The following NLN variants were observed in gnomAD, a reference collection of about 807,000 sequenced individuals.
The protein encoded by NLN is neurolysin, mitochondrial.
Under a neutral mutation model 79.9 loss-of-function variants are expected in NLN, and 64 were observed. The ratio of observed to expected loss-of-function variants is 0.80; its 90% CI spans 0.65 to 0.99. NLN has a LOEUF of 0.99. Among genes scored for constraint, NLN ranks in the 50% least tolerant of loss-of-function variants. The pLI, the probability that NLN is intolerant of heterozygous loss-of-function variation, is 0.00. For missense variants in NLN, 835 were observed against 858.7 expected, an observed-to-expected ratio of 0.97 and a Z score of 0.34; for synonymous variants, 267 against 296.6, an observed-to-expected ratio of 0.90 and a Z score of 1.02.
rs1017486597 is a variant in NLN at position 65,828,776 on chromosome 5, G to A, written c.*5861G>A. On this transcript the variant is annotated 3_prime_UTR_variant, in exon 13 of 13. Transcript: ENST00000380985. ...AGGGCTTCTCCAGCTTTTAAGATGC[G>A]ATAATGATAAGATGATCATCGGGAA... The A allele has an allele frequency of 6.6e-6, 1 of 152,160 alleles. No homozygotes were observed. Among genetic ancestry groups the A allele is most frequent in the Non-Finnish European group, 1.5e-5 (1 of 68,038 alleles). The allele number at this position is 152,160 out of a possible 1,614,324, so 9.4% of individuals were successfully genotyped here. A position where few individuals can be genotyped will look rare whatever the true frequency, so the allele number is the denominator to read the frequency against.
At position 65,758,750 on chromosome 5, in the gene NLN, T is replaced by C; in HGVS notation, c.225T>C (p.Val75=). 2 of 1,613,812 alleles carry C rather than the reference T, an allele frequency of 1.2e-6. No homozygotes were observed. The highest frequency in any genetic ancestry group is 8.5e-7 in the Non-Finnish European group (1 of 1,179,776). Residue 75 remains valine, a synonymous_variant, in exon 2 of 13, where the codon GTT becomes GTC. Transcript: ENST00000380985. ...AGACCAAACAGGTGTACGATGCTGTTGGAATGCTCGGTATTGAGGAAGTAA... is the reference window on the plus strand; with the variant it reads ...AGACCAAACAGGTGTACGATGCTGTCGGAATGCTCGGTATTGAGGAAGTAA... ...IVQTKQVYDA[V]GMLGIEEVTY... is the part of the protein sequence containing the mutation.
intron 3 of NLN, among the ~76,000 whole-genome samples, 170 bp downstream of exon 3, chr5:65,763,278 G>A (rs1287399025): frequency 6.6e-6 from 1 of 152,184 alleles, no homozygotes; most frequent in Non-Finnish European, 1.5e-5. Flanking sequence ...TATCGTTGAG[G>A]TTATGTTGAG....
At chr5:65,731,215 TGA>T (rs1170938127) in intron 1 of NLN, among the ~76,000 whole-genome samples, 5 of 152,326 alleles carry the variant, frequency 3.3e-5, no homozygotes, top group Admixed American at 3.3e-4. Context: ...CAGGGTTCCA[TGA>T]GAGAGTGGAA....
In NLN at chr5:65,810,104, G is replaced by T; in HGVS notation, c.1782G>T (p.Leu594=). The T allele has an allele frequency of 6.2e-7, 1 of 1,613,912 alleles. No homozygotes were observed. Among genetic ancestry groups the T allele is most frequent in the Non-Finnish European group, 8.5e-7 (1 of 1,179,790 alleles). ...AGTCTCTTCATACCAACACATCGCT[G>T]GATGCTGCAAGTGAATATGCCAAAT... ...VDQSLHTNTS[L]DAASEYAKYC... is the part of the protein sequence containing the mutation. Residue 594 remains leucine (L), a synonymous_variant, in exon 11 of 13, where the codon CTG becomes CTT. Coordinates refer to ENST00000380985, the MANE Select transcript of NLN (RefSeq NM_020726.5).
chr5:65,793,934 A>G (rs934711633), intron 9 of NLN, among the ~76,000 whole-genome samples: 2 of 152,210 alleles, frequency 1.3e-5, no homozygotes, highest in Non-Finnish European at 2.9e-5. Flanking sequence ...ACCACAGTTT[A>G]TTTGGATTTT....
chr5:65,798,676 T>C (rs1760219025), intron 9 of NLN, among the ~76,000 whole-genome samples: 1 of 152,208 alleles, frequency 6.6e-6, no homozygotes. Context: ...CTTCTTTTTG[T>C]TATTTTATTT....
chr5:65,805,223 T>C (rs1029308776), intron 9 of NLN, among the ~76,000 whole-genome samples: 6 of 152,176 alleles, frequency 3.9e-5, no homozygotes, highest in African/African-American at 1.4e-4. Context: ...TGAAATTAGA[T>C]TAGTCAATAA....
chr5:65,737,424 T>C (rs1758751595), intron 1 of NLN, among the ~76,000 whole-genome samples: 3 of 152,162 alleles, frequency 2.0e-5, no homozygotes, highest in Admixed American at 2.0e-4. Flanking sequence ...ATTAATAATG[T>C]TTTTCTTCAC....
In NLN at chr5:65,828,366, A is replaced by G. The variant is rs1261996419; in HGVS notation, c.*5451A>G. On this transcript the variant is annotated 3_prime_UTR_variant, in exon 13 of 13. Coordinates refer to ENST00000380985, the MANE Select transcript of NLN (RefSeq NM_020726.5). ...ATCACATTTTAAGCAGACTTTGGCCAAGTAGTACAGTGTTTGCAGGAGCAG... is the reference window on the plus strand; with the variant it reads ...ATCACATTTTAAGCAGACTTTGGCCGAGTAGTACAGTGTTTGCAGGAGCAG... The G allele has an allele frequency of 1.3e-5, 2 of 152,254 alleles. No homozygotes were observed. Among genetic ancestry groups the G allele is most frequent in the African/African-American group, 4.8e-5 (2 of 41,468 alleles). The allele number at this position is 152,254 out of a possible 1,614,324, so 9.4% of individuals were successfully genotyped here. A position where few individuals can be genotyped will look rare whatever the true frequency, so the allele number is the denominator to read the frequency against.
At chr5:65,792,331 G>T in intron 8 of NLN, 123 bp from the exon 9 acceptor site, 1 of 634,106 alleles carries the variant, frequency 1.6e-6, no homozygotes. Flanking sequence ...TTTCTAAAAG[G>T]TAAATTAATG....
Position 65,822,782 on chromosome 5 carries a change from T to A in NLN, c.1982T>A (p.Val661Asp), listed in dbSNP as rs774868393. Residue 661 changes from valine (V) to aspartate (D), a missense_variant and splice_region_variant, in exon 13 of 13, where the codon GTT becomes GAT. Transcript: ENST00000380985. ...AGGTATGATGTTTTATTTTATTAGG[T>A]TGGAATGAAATACAGAAACCTAATC... Reference protein sequence around the residue: ...FKKEGIMNPEVGMKYRNLILK... With the variant: ...FKKEGIMNPEDGMKYRNLILK... 1 of 1,609,346 alleles carries A rather than the reference T, an allele frequency of 6.2e-7. No homozygotes were observed. The highest frequency in any genetic ancestry group is 1.1e-5 in the South Asian group (1 of 90,988).
intron 8 of NLN, among the ~76,000 whole-genome samples, chr5:65,789,033 T>C (rs1207576403): frequency 6.6e-6 from 1 of 152,020 alleles, no homozygotes; most frequent in Non-Finnish European, 1.5e-5. Context: ...CTAGCTGTGC[T>C]GAAGCAGGAG....
intron 4 of NLN, among the ~76,000 whole-genome samples, chr5:65,778,663 C>T (rs961851954): frequency 3.3e-5 from 5 of 152,124 alleles, no homozygotes; most frequent in South Asian, 2.1e-4. Context: ...GTCGAGGGGT[C>T]GGTGAGCTGC....
At chr5:65,725,323 T>A (rs760735678) in intron 1 of NLN, among the ~76,000 whole-genome samples, 2 of 152,226 alleles carry the variant, frequency 1.3e-5, no homozygotes, top group Non-Finnish European at 2.9e-5. Context: ...CATCAAAGTT[T>A]GACAAATCGT....
At chr5:65,738,922 ATG>A (rs1200935753) in intron 1 of NLN, among the ~76,000 whole-genome samples, 1,488 of 123,674 alleles carry the variant, frequency 0.012, 24 homozygotes, top group African/African-American at 0.019. Context: ...TATGATATAT[ATG>A]TGTGTATATA....
Position 65,825,449 on chromosome 5 carries a change from T to G in NLN, c.*2534T>G, listed in dbSNP as rs1469138786. Reference sequence around the variant, plus strand: ...GTTGTGAAGGATAAAATCTTCAACATCTTATGCAAATGGATAGTAGGCATG... The same window carrying G: ...GTTGTGAAGGATAAAATCTTCAACAGCTTATGCAAATGGATAGTAGGCATG... On this transcript the variant is annotated 3_prime_UTR_variant, in exon 13 of 13. Transcript: ENST00000380985. The G allele has an allele frequency of 6.6e-6, 1 of 152,150 alleles. No homozygotes were observed. The highest frequency in any genetic ancestry group is 1.5e-5 in the Non-Finnish European group (1 of 68,018). The allele number at this position is 152,150 out of a possible 1,614,324, so 9.4% of individuals were successfully genotyped here.
chr5:65,768,951 G>T (rs1229721105), intron 3 of NLN, among the ~76,000 whole-genome samples: 1 of 152,240 alleles, frequency 6.6e-6, no homozygotes, highest in Non-Finnish European at 1.5e-5. Context: ...ACTTGAAAGG[G>T]CACAGTTCAG....
chr5:65,722,245 C>A lies in NLN; in HGVS notation c.-129C>A. ...GCTGCCGCACGTGGGAGGGCGCTGG[C>A]CAGGCAGCCACTGTGGCCTCTGCGG... On this transcript the variant is annotated 5_prime_UTR_variant, in exon 1 of 13. Transcript: ENST00000380985. 1.8e-6 allele frequency: 1 copy of A among 557,906 alleles called. No homozygotes were observed. The highest frequency in any genetic ancestry group is 2.9e-6 in the Non-Finnish European group (1 of 348,280). The allele number at this position is 557,906 out of a possible 1,614,324, so 34.6% of individuals were successfully genotyped here. A position where few individuals can be genotyped will look rare whatever the true frequency, so the allele number is the denominator to read the frequency against.
At chr5:65,729,023 T>G (rs1017092389) in intron 1 of NLN, among the ~76,000 whole-genome samples, 3 of 152,170 alleles carry the variant, frequency 2.0e-5, no homozygotes, top group Non-Finnish European at 4.4e-5. Flanking sequence ...TTTGTATTTC[T>G]TGTAGAGACA....
Sources: allele counts gnomAD v4.1 joint callset (sites outside exome capture counted in the v4.1 genomes callset), GRCh38; gene constraint gnomAD v4.1.1; transcripts MANE v1.5; gene names NCBI Gene and HGNC (gene_info 2026-07-23, HGNC 2026-07-21).